RAB11FIP1: variants seen among roughly 807,000 people sequenced by gnomAD.
RAB11FIP1 encodes RAB11 family interacting protein 1.
A neutral mutation model predicts 83.1 loss-of-function variants in RAB11FIP1; 49 were observed. The observed-to-expected ratio is 0.59, with a 90% CI of 0.47 to 0.75. The LOEUF (loss-of-function observed/expected upper bound fraction) is 0.75, where lower values mean the gene tolerates loss of function less well. RAB11FIP1 is among the 30% of genes least tolerant of loss of function. RAB11FIP1 has a pLI of 0.00. For synonymous variants in RAB11FIP1, 670 were observed against 656.0 expected (o/e 1.02, Z -0.33); for missense variants, 1,536 against 1,598.7 (o/e 0.96, Z 0.67).
chr8:37,872,118 G>A lies in RAB11FIP1; in HGVS notation c.2684C>T (p.Ser895Phe). Residue 895 changes from serine to phenylalanine, a missense_variant, in exon 4 of 6, where the codon TCC becomes TTC. Coordinates refer to ENST00000330843, the MANE Select transcript of RAB11FIP1 (RefSeq NM_001002814.3). The stretch of plus-strand genomic sequence containing the variant: ...GCTTGCTTCACTCATGGGGACTTCG[G>A]AGAAACTCTCCTCCTGGGAGGGGAG... ...LLLPSQEESF[S>F]EVPMSEASSA... 1 of 1,614,064 alleles carries A rather than the reference G, an allele frequency of 6.2e-7. No individual in the cohort carries two copies. Among genetic ancestry groups the A allele is most frequent in the Non-Finnish European group, 8.5e-7 (1 of 1,180,010 alleles).
At chr8:37,874,338 T>C (rs1413117871) in intron 3 of RAB11FIP1, among the ~76,000 whole-genome samples, 177 bp downstream of exon 3, 1 of 152,208 alleles carries the variant, frequency 6.6e-6, no homozygotes, top group Non-Finnish European at 1.5e-5. Context: ...CTGCAATTTA[T>C]ACAGGGCAGG....
chr8:37,885,837 G>A lies in RAB11FIP1; in HGVS notation c.372-8286C>T, dbSNP rs74945616. 5.0e-3 allele frequency among the ~76,000 whole-genome samples: 767 copies of A among 152,230 alleles called. 12 individuals carry two copies. Among genetic ancestry groups the A allele is most frequent in the African/African-American group, 0.017 (715 of 41,530 alleles). On this transcript the variant is annotated intron_variant, in intron 1 of 5. Coordinates refer to ENST00000330843, the MANE Select transcript of RAB11FIP1 (RefSeq NM_001002814.3). ...TCAACCATGCCCTATCCTCAGGGCC[G>A]GTGTGCCTCAGAACATGGAGTTGGC...
At chr8:37,868,821 G>A (rs1806393450) in intron 5 of RAB11FIP1, among the ~76,000 whole-genome samples, 1 of 152,054 alleles carries the variant, frequency 6.6e-6, no homozygotes, top group South Asian at 2.1e-4. Flanking sequence ...TAATTTTAGA[G>A]ACCCTCCAAA....
At position 37,871,340 on chromosome 8, in the gene RAB11FIP1, T is replaced by G. The variant is rs1289514536; in HGVS notation, c.3462A>C (p.Ser1154=). ...CTGAGACTGGATGTGTCTCCGAGGGTGAGACCCAGGCCTGGAGGAGTGGCT... is the reference window on the plus strand; with the variant it reads ...CTGAGACTGGATGTGTCTCCGAGGGGGAGACCCAGGCCTGGAGGAGTGGCT... ...KRKPLLQAWV[S]PSETHPVSAQ... is the part of the protein sequence containing the mutation. The change falls in exon 4 of 6, where the codon TCA becomes TCC. Residue 1154 remains serine (S), a synonymous_variant. Coordinates refer to ENST00000330843, the MANE Select transcript of RAB11FIP1 (RefSeq NM_001002814.3). 2 of 1,613,920 alleles carry G rather than the reference T, an allele frequency of 1.2e-6. No homozygotes were observed. The highest frequency in any genetic ancestry group is 1.7e-6 in the Non-Finnish European group (2 of 1,179,984).
chr8:37,898,376 C>G (rs563897704), intron 1 of RAB11FIP1, among the ~76,000 whole-genome samples: 2 of 151,318 alleles, frequency 1.3e-5, no homozygotes, highest in Admixed American at 6.6e-5. Context: ...CCGGGCGGGC[C>G]GGGCGCGGTG....
In RAB11FIP1 at chr8:37,899,328, C is replaced by T; in HGVS notation, c.114G>A (p.Thr38=). The change falls in exon 1 of 6, where the codon ACG becomes ACA. Residue 38 remains threonine (T), a synonymous_variant. Coordinates refer to ENST00000330843, the MANE Select transcript of RAB11FIP1 (RefSeq NM_001002814.3). The surrounding 1 kb of genome is among the most constrained non-coding windows in gnomAD (Gnocchi z 4.5). ...RGLRAKGPGG[T]SDAYAVIQVG... Reference sequence around the variant, plus strand: ...CCTGGATCACCGCGTACGCGTCGCTCGTGCCCCCGGGGCCCTTGGCCCGCA... The same window carrying T: ...CCTGGATCACCGCGTACGCGTCGCTTGTGCCCCCGGGGCCCTTGGCCCGCA... 1 of 1,609,424 alleles carries T rather than the reference C, an allele frequency of 6.2e-7. No homozygotes were observed. Among genetic ancestry groups the T allele is most frequent in the Non-Finnish European group, 8.5e-7 (1 of 1,178,628 alleles).
chr8:37,877,095 A>C lies in RAB11FIP1; in HGVS notation c.814+14T>G, dbSNP rs1253449651. On this transcript the variant is annotated intron_variant, in intron 2 of 5. Transcript: ENST00000330843. Reference sequence around the variant, plus strand: ...GGAAGAAGAGAGGTCAAGCAGGAAGAGGCAGAAACTCACCATCCGAGGCCG... The same window carrying C: ...GGAAGAAGAGAGGTCAAGCAGGAAGCGGCAGAAACTCACCATCCGAGGCCG... The C allele has an allele frequency of 1.9e-6, 3 of 1,586,290 alleles. No individual in the cohort carries two copies. Among genetic ancestry groups the C allele is most frequent in the Non-Finnish European group, 2.6e-6 (3 of 1,157,650 alleles).
Position 37,877,331 on chromosome 8 carries a change from G to T in RAB11FIP1, c.592C>A (p.Pro198Thr). The change falls in exon 2 of 6, where the codon CCT becomes ACT. Residue 198 changes from proline to threonine, a missense_variant. Pro to Thr is a conservative substitution (Grantham distance 38). Transcript: ENST00000330843. The part of the protein sequence containing the change: ...TASAIIPSTT[P>T]SVDSDDESVV... ...GACTCATCATCACTGTCGACCGAAG[G>T]TGTCGTGCTAGGGATGATGGCGGAG... The T allele has an allele frequency of 1.2e-6, 2 of 1,614,116 alleles. No homozygotes were observed. The highest frequency in any genetic ancestry group is 8.5e-7 in the Non-Finnish European group (1 of 1,179,972).
Position 37,862,709 on chromosome 8 carries a change from C to T in RAB11FIP1, c.*186G>A, listed in dbSNP as rs1475462151. The T allele has an allele frequency of 3.5e-6, 2 of 575,262 alleles. No homozygotes were observed. The highest frequency in any genetic ancestry group is 3.1e-5 in the Admixed American group (1 of 32,752). 35.6% of individuals were successfully genotyped at this position (575,262 alleles called of 1,614,324 possible). ...TTAAAACTAAAGCCTTGGGAATGTA[C>T]AGTAAAAGATTAATTGTAATCATTA... On this transcript the variant is annotated 3_prime_UTR_variant, in exon 6 of 6. Transcript: ENST00000330843.
rs767595868 is a variant in RAB11FIP1, at chr8:37,899,159, G to A, written c.283C>T (p.Arg95Cys). Residue 95 changes from arginine (R) to cysteine (C), a missense_variant, in exon 1 of 6, where the codon CGC becomes TGC. Arg to Cys is a radical substitution (Grantham distance 180). Transcript: ENST00000330843. This position sits in a 1 kb window ranked among gnomAD's most constrained non-coding sequence, Gnocchi z 4.5. ...AATLQLTVLH[R>C]ALLGLDKFLG... ...AACTTGTCGAGGCCGAGCAGCGCGC[G>A]GTGCAGCACGGTGAGCTGCAGGGTG... is the stretch of plus-strand genomic sequence containing the variant. 6.5e-7 allele frequency: 1 copy of A among 1,546,738 alleles called. No homozygotes were observed. Among genetic ancestry groups the A allele is most frequent in the Non-Finnish European group, 8.7e-7 (1 of 1,155,932 alleles).
Position 37,875,158 on chromosome 8 carries a change from C to G in RAB11FIP1, c.979G>C (p.Glu327Gln). ...ATCTCACCCTTGGCTTCTGGCTGCT[C>G]CAGGTAAACATGGTTCCCATTGATG... Reference protein sequence around the residue: ...VCINGNHVYLEQPEAKGEIKD... With the variant: ...VCINGNHVYLQQPEAKGEIKD... The change falls in exon 3 of 6, where the codon GAG becomes CAG. Residue 327 changes from glutamate (E) to glutamine (Q), a missense_variant. Transcript: ENST00000330843. The G allele has an allele frequency of 6.2e-7, 1 of 1,614,050 alleles. No homozygotes were observed. The highest frequency in any genetic ancestry group is 8.5e-7 in the Non-Finnish European group (1 of 1,179,996).
rs2130114248 is a variant in RAB11FIP1, at chr8:37,860,596, C to T, written c.*2299G>A. 6.6e-6 allele frequency: 1 copy of T among 152,596 alleles called. No homozygotes were observed. The highest frequency in any genetic ancestry group is 1.5e-5 in the Non-Finnish European group (1 of 68,054). The allele number at this position is 152,596 out of a possible 1,614,324, so 9.5% of individuals were successfully genotyped here. A position where few individuals can be genotyped will look rare whatever the true frequency, so the allele number is the denominator to read the frequency against. On this transcript the variant is annotated 3_prime_UTR_variant, in exon 6 of 6. Transcript: ENST00000330843. ...GACCTCAATCAAGTGATTCACCCGCCTCAGCCTCCCAAAGTGCTGGGATTA... is the reference window on the plus strand; with the variant it reads ...GACCTCAATCAAGTGATTCACCCGCTTCAGCCTCCCAAAGTGCTGGGATTA...
chr8:37,889,824 C>T (rs1806911463), intron 1 of RAB11FIP1, among the ~76,000 whole-genome samples: 1 of 152,026 alleles, frequency 6.6e-6, no homozygotes, highest in Admixed American at 6.6e-5. Context: ...GACAGAGTCA[C>T]CCGGGCTGGA....
chr8:37,874,230 A>G lies in RAB11FIP1; in HGVS notation c.1622+285T>C, dbSNP rs970701149. On this transcript the variant is annotated intron_variant, in intron 3 of 5. Coordinates refer to ENST00000330843, the MANE Select transcript of RAB11FIP1 (RefSeq NM_001002814.3). ...AGTATTCCCAACTTGCAACACCCAC[A>G]ATCTGCTACAAACCACTGCGTTCCA... is the stretch of plus-strand genomic sequence containing the variant. Among the ~76,000 whole-genome samples, 5 of 152,224 alleles carry G rather than the reference A, an allele frequency of 3.3e-5. No individual in the cohort carries two copies. The South Asian group carries it at 1.0e-3, about 32-fold the overall frequency.
chr8:37,863,800 A>G (rs966005953), intron 5 of RAB11FIP1, among the ~76,000 whole-genome samples: 1 of 152,224 alleles, frequency 6.6e-6, no homozygotes, highest in African/African-American at 2.4e-5. Flanking sequence ...AAGCAGTGCC[A>G]TCATGGGAGG....
At chr8:37,879,608 C>T (rs971745621) in intron 1 of RAB11FIP1, among the ~76,000 whole-genome samples, 8 of 152,034 alleles carry the variant, frequency 5.3e-5, no homozygotes, top group Non-Finnish European at 7.4e-5. Flanking sequence ...TGGGGCCAGG[C>T]GCAGTGGCTC....
In RAB11FIP1 at chr8:37,872,564, T is replaced by G; in HGVS notation, c.2238A>C (p.Ala746=). The G allele has an allele frequency of 1.2e-6, 2 of 1,614,212 alleles. No individual in the cohort carries two copies. Among genetic ancestry groups the G allele is most frequent in the Non-Finnish European group, 1.7e-6 (2 of 1,180,016 alleles). Residue 746 remains alanine (A), a synonymous_variant, in exon 4 of 6, where the codon GCA becomes GCC. Coordinates refer to ENST00000330843, the MANE Select transcript of RAB11FIP1 (RefSeq NM_001002814.3). ...GACTCTCCAAGTCTCTGTCTCCTCC[T>G]GCTGCAAGCTCCCCAACAGGGCTCA... is the stretch of plus-strand genomic sequence containing the variant. ...GAVSPVGELA[A]GGDRDLESQA... is the part of the protein sequence containing the mutation.
At chr8:37,870,594 G>A in intron 4 of RAB11FIP1, 66 bp from the exon 5 acceptor site, 1 of 800,916 alleles carries the variant, frequency 1.2e-6, no homozygotes, top group East Asian at 2.7e-5. Flanking sequence ...ACTGCCCACT[G>A]CAAAGACGGC....
chr8:37,883,763 G>A (rs1282953574), intron 1 of RAB11FIP1, among the ~76,000 whole-genome samples: 2 of 152,168 alleles, frequency 1.3e-5, no homozygotes, highest in African/African-American at 2.4e-5. Context: ...TGATGGCAGC[G>A]TGGGTGTGTT....
Sources: allele counts gnomAD v4.1 joint callset (sites outside exome capture counted in the v4.1 genomes callset), GRCh38; gene constraint gnomAD v4.1.1; non-coding constraint Gnocchi (gnomAD v3.1); transcripts MANE v1.5; gene names NCBI Gene and HGNC (gene_info 2026-07-23, HGNC 2026-07-21).